GABBR2: variants seen among roughly 807,000 people sequenced by gnomAD.
GABBR2 encodes the protein gamma-aminobutyric acid type B receptor subunit 2, also known as G-protein coupled receptor 51.
GABBR2 carries 23 observed loss-of-function variants against 105.6 expected under a neutral mutation model. That is an observed-to-expected ratio of 0.22 (90% CI 0.16 to 0.31). GABBR2 has a LOEUF of 0.31. GABBR2 is among the 10% of genes least tolerant of loss of function. The pLI, the probability that GABBR2 is intolerant of heterozygous loss-of-function variation, is 1.00. For missense variants in GABBR2, 734 were observed against 1,245.5 expected, an observed-to-expected ratio of 0.59 and a Z score of 6.18; for synonymous variants, 478 against 499.7, an observed-to-expected ratio of 0.96 and a Z score of 0.58.
chr9:98,491,665 T>C (rs1320224213), intron 4 of GABBR2, among the ~76,000 whole-genome samples: 4 of 152,210 alleles, frequency 2.6e-5, no homozygotes, highest in African/African-American at 9.7e-5. Context: ...GTCCCTCTCC[T>C]AGTTAACACC....
At chr9:98,365,868 T>C (rs1266410182) in intron 12 of GABBR2, among the ~76,000 whole-genome samples, 10 of 152,206 alleles carry the variant, frequency 6.6e-5, no homozygotes, top group Non-Finnish European at 1.3e-4. Flanking sequence ...CCCCTTGCAT[T>C]AGGCAAGGCC....
chr9:98,387,683 T>C (rs1832098654), intron 10 of GABBR2, among the ~76,000 whole-genome samples: 1 of 151,936 alleles, frequency 6.6e-6, no homozygotes, highest in South Asian at 2.1e-4. Context: ...TTCCAGCAAC[T>C]TGGGAGGCTG....
intron 13 of GABBR2, among the ~76,000 whole-genome samples, chr9:98,333,378 T>C (rs1399352896): frequency 6.6e-6 from 1 of 152,160 alleles, no homozygotes; most frequent in Non-Finnish European, 1.5e-5. Flanking sequence ...CAATTAATCC[T>C]TGCACAGTTC....
chr9:98,408,850 C>T (rs1297864262), intron 7 of GABBR2, among the ~76,000 whole-genome samples: 1 of 152,082 alleles, frequency 6.6e-6, no homozygotes, highest in Non-Finnish European at 1.5e-5. Context: ...TGCAGTTGTG[C>T]GATCTTGGCT....
chr9:98,569,000 C>T (rs1219562249), intron 2 of GABBR2, among the ~76,000 whole-genome samples: 2 of 152,052 alleles, frequency 1.3e-5, no homozygotes, highest in African/African-American at 4.8e-5. Context: ...CATTTCTCCT[C>T]TTCCCTTTCT....
intron 1 of GABBR2, among the ~76,000 whole-genome samples, chr9:98,630,536 A>G (rs1588260163): frequency 6.6e-6 from 1 of 152,180 alleles, no homozygotes; most frequent in African/African-American, 2.4e-5. Flanking sequence ...GACAGACTTA[A>G]TTTTCACCTC....
At chr9:98,304,883 T>A (rs1271547249) in intron 15 of GABBR2, among the ~76,000 whole-genome samples, 1 of 152,234 alleles carries the variant, frequency 6.6e-6, no homozygotes. Context: ...GTGATCTTCC[T>A]ACTTCAGCCT....
At chr9:98,374,390 A>AG (rs1411405555) in intron 11 of GABBR2, among the ~76,000 whole-genome samples, 2 of 152,260 alleles carry the variant, frequency 1.3e-5, no homozygotes, top group Non-Finnish European at 2.9e-5. Context: ...GAGTTAACAT[A>AG]GCAGGCCTGA....
chr9:98,490,161 T>G (rs1827146654), intron 4 of GABBR2, among the ~76,000 whole-genome samples: 1 of 152,214 alleles, frequency 6.6e-6, no homozygotes. Flanking sequence ...ATGGGATGGT[T>G]GTACAACACT....
At chr9:98,618,486 ATCTCTCTCTCTC>A (rs10611275) in intron 1 of GABBR2, among the ~76,000 whole-genome samples, 24 of 145,174 alleles carry the variant, frequency 1.7e-4, no homozygotes, top group East Asian at 6.1e-4. Flanking sequence ...GGTCTGCTGC[ATCTCTCTCTCTC>A]TCTCTCTCTC....
chr9:98,496,628 T>C (rs1827286078), intron 3 of GABBR2, 114 bp from the exon 4 acceptor site: 3 of 719,656 alleles, frequency 4.2e-6, no homozygotes, highest in Non-Finnish European at 7.5e-6. Flanking sequence ...CTACCGACAA[T>C]GCAAAGTGAG....
intron 1 of GABBR2, among the ~76,000 whole-genome samples, chr9:98,672,866 T>C (rs1830423310): frequency 6.6e-6 from 1 of 152,216 alleles, no homozygotes; most frequent in South Asian, 2.1e-4. Context: ...AATTTTATGA[T>C]CTATTCTGGG....
At chr9:98,477,431 G>A (rs944917088) in intron 5 of GABBR2, among the ~76,000 whole-genome samples, 7 of 152,124 alleles carry the variant, frequency 4.6e-5, no homozygotes, top group African/African-American at 1.4e-4. Flanking sequence ...GTAGAGATGA[G>A]GTCTTGCCAT....
At chr9:98,352,343 G>A (rs2131425770) in intron 13 of GABBR2, among the ~76,000 whole-genome samples, 1 of 152,276 alleles carries the variant, frequency 6.6e-6, no homozygotes, top group African/African-American at 2.4e-5. Context: ...CCCTTAGGCA[G>A]CTTGCATAGC....
At chr9:98,609,678 C>A (rs1829477982) in intron 1 of GABBR2, among the ~76,000 whole-genome samples, 1 of 152,172 alleles carries the variant, frequency 6.6e-6, no homozygotes, top group Non-Finnish European at 1.5e-5. Context: ...GGGCCTCCAG[C>A]TTTCGGCCCC....
At chr9:98,619,228 C>T (rs1829634887) in intron 1 of GABBR2, among the ~76,000 whole-genome samples, 1 of 152,010 alleles carries the variant, frequency 6.6e-6, no homozygotes, top group African/African-American at 2.4e-5. Context: ...CTGTAAGAAG[C>T]AAGGCAAATA....
chr9:98,473,441 C>T, intron 5 of GABBR2, 95 bp from the exon 6 acceptor site: 1 of 743,232 alleles, frequency 1.3e-6, no homozygotes, highest in Non-Finnish European at 2.3e-6. Context: ...CTTCCTCTTC[C>T]CAGAGGATTT....
chr9:98,574,749 G>A (rs1490572288), intron 2 of GABBR2, among the ~76,000 whole-genome samples: 3 of 152,178 alleles, frequency 2.0e-5, no homozygotes, highest in Non-Finnish European at 2.9e-5. Context: ...GGTAGCTGTG[G>A]TCTGCAAGCT....
chr9:98,385,652 T>C lies in GABBR2; in HGVS notation c.1650A>G (p.Glu550=). The stretch of plus-strand genomic sequence containing the variant: ...CAGAATGACTTACGGTGCAAAGTGT[T>C]TCAAAGGTCTTTTCAGAGACAAAGG... The part of the protein sequence containing the change: ...DGSFVSEKTF[E]TLCTVRTWIL... Residue 550 remains glutamate, a synonymous_variant, in exon 11 of 19, where the codon GAA becomes GAG. Transcript: ENST00000259455. 1 of 1,613,600 alleles carries C rather than the reference T, an allele frequency of 6.2e-7. No homozygotes were observed. Among genetic ancestry groups the C allele is most frequent in the East Asian group, 2.2e-5 (1 of 44,882 alleles).
Sources: allele counts gnomAD v4.1 joint callset (sites outside exome capture counted in the v4.1 genomes callset), GRCh38; gene constraint gnomAD v4.1.1; transcripts MANE v1.5; gene names NCBI Gene and HGNC (gene_info 2026-07-23, HGNC 2026-07-21).